The following WWC1 variants were observed in gnomAD, a reference collection of about 807,000 sequenced individuals.
WWC1 encodes the protein WW and C2 domain containing 1.
In WWC1, 55 loss-of-function variants were observed where a neutral mutation model predicts 138.4. The observed-to-expected ratio is 0.40, with a 90% CI of 0.32 to 0.50. The LOEUF is 0.50. WWC1 is among the 20% of genes least tolerant of loss of function. The probability of loss-of-function intolerance (pLI) is 0.72; values close to 1 mark genes in which losing one functional copy is unlikely to be tolerated. For synonymous variants in WWC1, 524 were observed against 564.9 expected, an observed-to-expected ratio of 0.93 and a Z score of 1.03; for missense variants, 1,226 against 1,420.4, an observed-to-expected ratio of 0.86 and a Z score of 2.20.
At chr5:168,349,111 C>G (rs1172824605) in intron 1 of WWC1, among the ~76,000 whole-genome samples, 1 of 152,118 alleles carries the variant, frequency 6.6e-6, no homozygotes, top group African/African-American at 2.4e-5. Flanking sequence ...GGCCGAGTCC[C>G]TTCTGTTCCC....
chr5:168,384,998 G>A (rs1399103699), intron 2 of WWC1, among the ~76,000 whole-genome samples: 2 of 152,248 alleles, frequency 1.3e-5, no homozygotes, highest in Admixed American at 6.5e-5. Flanking sequence ...GATTACAGGC[G>A]TGAGCCACCA....
chr5:168,339,818 C>G (rs1353330473), intron 1 of WWC1, among the ~76,000 whole-genome samples: 3 of 97,548 alleles, frequency 3.1e-5, no homozygotes, highest in South Asian at 4.0e-4. Flanking sequence ...TTCTTTCTTT[C>G]TTTCTTTCTT....
chr5:168,330,417 A>C (rs188140513), intron 1 of WWC1, among the ~76,000 whole-genome samples: 8 of 152,280 alleles, frequency 5.3e-5, no homozygotes, highest in Non-Finnish European at 1.2e-4. Flanking sequence ...TCTGAGACTC[A>C]GTTTTCTTCT....
chr5:168,303,717 G>C (rs1375381051), intron 1 of WWC1, among the ~76,000 whole-genome samples: 1 of 152,138 alleles, frequency 6.6e-6, no homozygotes, highest in Non-Finnish European at 1.5e-5. Flanking sequence ...CATGGCCACA[G>C]CAGGATCAGA....
chr5:168,341,656 A>T (rs1774045686), intron 1 of WWC1, among the ~76,000 whole-genome samples: 1 of 151,506 alleles, frequency 6.6e-6, no homozygotes, highest in African/African-American at 2.4e-5. Context: ...CAAATGGGGG[A>T]GAATATCATT....
intron 3 of WWC1, among the ~76,000 whole-genome samples, chr5:168,391,468 G>T (rs1356533116): frequency 6.6e-6 from 1 of 151,960 alleles, no homozygotes; most frequent in Non-Finnish European, 1.5e-5. Flanking sequence ...AGACCATCCT[G>T]GCTAACACAG....
At chr5:168,300,630 G>A (rs1769977972) in intron 1 of WWC1, among the ~76,000 whole-genome samples, 1 of 151,794 alleles carries the variant, frequency 6.6e-6, no homozygotes, top group Non-Finnish European at 1.5e-5. Context: ...CACCTTTGTT[G>A]GCTTTTTTTT....
At chr5:168,379,628 G>A (rs1298923951) in intron 2 of WWC1, among the ~76,000 whole-genome samples, 1 of 152,112 alleles carries the variant, frequency 6.6e-6, no homozygotes, top group Non-Finnish European at 1.5e-5. Flanking sequence ...TTGAACTCCT[G>A]ACCTCAAGTG....
chr5:168,294,906 G>A (rs562185134), intron 1 of WWC1, among the ~76,000 whole-genome samples: 4 of 152,284 alleles, frequency 2.6e-5, no homozygotes, highest in East Asian at 1.9e-4. Flanking sequence ...GATTACAGGC[G>A]TGAGCCACCA....
chr5:168,437,609 A>G (rs77377140), intron 15 of WWC1, among the ~76,000 whole-genome samples: 1,671 of 152,330 alleles, frequency 0.011, 29 homozygotes, highest in East Asian at 0.043. Context: ...TGCCTGGCAC[A>G]TAAGACTTCT....
At chr5:168,423,383 G>C in intron 10 of WWC1, 150 bp from the exon 11 acceptor site, 1 of 852,508 alleles carries the variant, frequency 1.2e-6, no homozygotes. Flanking sequence ...TGGGGTATCA[G>C]TTTTCCATGA....
chr5:168,408,645 T>G lies in WWC1; in HGVS notation c.859T>G (p.Ser287Ala). 1.2e-6 allele frequency: 2 copies of G among 1,614,026 alleles called. No homozygotes were observed. Among genetic ancestry groups the G allele is most frequent in the Non-Finnish European group, 1.7e-6 (2 of 1,179,978 alleles). ...GGATGTGAGCTCCCAGACAGACATC[T>G]CGGGAAGCGTGAGTAGACGGGGCAG... ...YLDVSSQTDI[S>A]GSFGINSNNQ... Residue 287 changes from serine to alanine, a missense_variant, in exon 7 of 23, where the codon TCG becomes GCG. Physicochemically the swap from Ser to Ala is moderately conservative, Grantham distance 99 (BLOSUM62 1). Around this residue, in one of 3 missense-constraint regions of WWC1, gnomAD observed 1,016 missense variants for 1,153.9 expected, o/e 0.88. Coordinates refer to ENST00000265293, the MANE Select transcript of WWC1 (RefSeq NM_015238.3).
At chr5:168,413,047 G>A (rs900921837) in intron 8 of WWC1, among the ~76,000 whole-genome samples, 1 of 152,144 alleles carries the variant, frequency 6.6e-6, no homozygotes, top group African/African-American at 2.4e-5. Flanking sequence ...GCACATCATG[G>A]TAAATTTTGT....
chr5:168,401,343 C>A (rs1582164065), intron 5 of WWC1, among the ~76,000 whole-genome samples: 1 of 152,226 alleles, frequency 6.6e-6, no homozygotes, highest in East Asian at 1.9e-4. Flanking sequence ...AGCTCACTTA[C>A]ATTCCCAGGG....
chr5:168,454,142 G>A, intron 18 of WWC1, 42 bp downstream of exon 18: 3 of 1,599,074 alleles, frequency 1.9e-6, no homozygotes, highest in Non-Finnish European at 2.6e-6. Flanking sequence ...CGTGGGGAAG[G>A]AACCTTCAAT....
chr5:168,423,171 A>C (rs77657655), intron 10 of WWC1, among the ~76,000 whole-genome samples: 3 of 151,162 alleles, frequency 2.0e-5, no homozygotes, highest in African/African-American at 7.3e-5. Context: ...AAAAAAAAAA[A>C]ACACAGTGAG....
chr5:168,368,498 A>G (rs1027387240), intron 1 of WWC1, among the ~76,000 whole-genome samples: 2 of 152,148 alleles, frequency 1.3e-5, no homozygotes, highest in East Asian at 1.9e-4. Flanking sequence ...CAAACTGTCT[A>G]TATAAGATTC....
intron 1 of WWC1, among the ~76,000 whole-genome samples, chr5:168,300,733 C>T (rs1445574355): frequency 2.6e-5 from 4 of 152,146 alleles, no homozygotes; most frequent in Non-Finnish European, 4.4e-5. Flanking sequence ...TGCTGTTGCC[C>T]AGGCCTGTTT....
chr5:168,345,968 C>A (rs1365652291), intron 1 of WWC1, among the ~76,000 whole-genome samples: 1 of 152,084 alleles, frequency 6.6e-6, no homozygotes, highest in African/African-American at 2.4e-5. Context: ...TCTCAGTCTT[C>A]CCCAGTGCGA....
Sources: gnomAD v4.1 joint callset for allele counts (sites outside exome capture counted in the v4.1 genomes callset) on GRCh38, gnomAD v4.1.1 for gene constraint, gnomAD v4.1.1 regional missense constraint, MANE v1.5 for transcripts, NCBI Gene and HGNC (gene_info 2026-07-23, HGNC 2026-07-21) for gene names.